TRAK1: variants seen among roughly 807,000 people sequenced by gnomAD.
TRAK1 encodes the protein trafficking kinesin protein 1, also known as trafficking kinesin-binding protein 1.
Under a neutral mutation model 92.1 loss-of-function variants are expected in TRAK1, and 33 were observed. That is an observed-to-expected ratio of 0.36 (90% CI 0.27 to 0.48). TRAK1 has a LOEUF of 0.48. Among genes scored for constraint, TRAK1 ranks in the 20% least tolerant of loss-of-function variants. The pLI is 0.99. For missense variants in TRAK1, 1,123 were observed against 1,257.9 expected, an observed-to-expected ratio of 0.89 and a Z score of 1.62; for synonymous variants, 521 against 517.3, an observed-to-expected ratio of 1.01 and a Z score of -0.10.
At chr3:42,213,835 C>G (rs1319245591) in intron 14 of TRAK1, among the ~76,000 whole-genome samples, 1 of 152,178 alleles carries the variant, frequency 6.6e-6, no homozygotes. Context: ...AGTTCCCATG[C>G]TGTTGGGAAC....
intron 1 of TRAK1, among the ~76,000 whole-genome samples, chr3:42,065,077 A>AAAAC (rs375454303): frequency 3.7e-4 from 56 of 151,812 alleles, no homozygotes; most frequent in African/African-American, 7.5e-4. Flanking sequence ...ACTCTGTCTC[A>AAAAC]AAACAAACAA....
At chr3:42,156,371 T>C (rs1700534145) in intron 2 of TRAK1, among the ~76,000 whole-genome samples, 1 of 152,162 alleles carries the variant, frequency 6.6e-6, no homozygotes, top group African/African-American at 2.4e-5. Context: ...GAAGAGTGTC[T>C]AAACCCAGAG....
At chr3:42,086,307 C>CTTTTTTTTT (rs1354576530), upstream of TRAK1, among the ~76,000 whole-genome samples, 1 of 134,818 alleles carries the variant, frequency 7.4e-6, no homozygotes, top group African/African-American at 3.6e-5. Flanking sequence ...TCTTCTTTTT[C>CTTTTTTTTT]TTTCTTTTTT....
At chr3:42,209,107 CT>C (rs1365418391) in intron 13 of TRAK1, among the ~76,000 whole-genome samples, 1 of 152,156 alleles carries the variant, frequency 6.6e-6, no homozygotes, top group Non-Finnish European at 1.5e-5. Context: ...TCTGTGTGGA[CT>C]TACTATGTTC....
chr3:42,063,894 G>A (rs981466351), intron 1 of TRAK1, among the ~76,000 whole-genome samples: 1 of 152,178 alleles, frequency 6.6e-6, no homozygotes, highest in African/African-American at 2.4e-5. Context: ...TGCGGTAGAA[G>A]TGACACTGTG....
chr3:42,143,907 T>C (rs1374848791), intron 2 of TRAK1, among the ~76,000 whole-genome samples: 1 of 152,212 alleles, frequency 6.6e-6, no homozygotes, highest in Non-Finnish European at 1.5e-5. Flanking sequence ...ATACTTTTGG[T>C]GTAGTTCACT....
intron 1 of TRAK1, among the ~76,000 whole-genome samples, chr3:42,016,160 C>T (rs1172380017): frequency 6.6e-6 from 1 of 152,130 alleles, no homozygotes; most frequent in South Asian, 2.1e-4. Context: ...TTAAGGTTTG[C>T]CATCTTAAGT....
At position 42,202,701 on chromosome 3, in the gene TRAK1, A is replaced by G. The variant is rs769729288; in HGVS notation, c.1693A>G (p.Ser565Gly). Residue 565 changes from serine to glycine, a missense_variant, in exon 13 of 16, where the codon AGC becomes GGC. Coordinates refer to ENST00000327628, the MANE Select transcript of TRAK1 (RefSeq NM_001042646.3). The surrounding 1 kb of genome is among the most constrained non-coding windows in gnomAD (Gnocchi z 6.1). ...EFTGFSGMSF[S>G]SRSYLPEKLQ... ...CACCGGCTTCTCTGGCATGTCCTTC[A>G]GCAGCCGCTCCTACCTGCCTGAGAA... The G allele has an allele frequency of 1.2e-6, 2 of 1,613,612 alleles. No individual in the cohort carries two copies. Among genetic ancestry groups the G allele is most frequent in the Non-Finnish European group, 8.5e-7 (1 of 1,179,918 alleles).
chr3:42,219,150 TGAG>T, intron 14 of TRAK1: 1 of 985,300 alleles, frequency 1.0e-6, no homozygotes, highest in Non-Finnish European at 1.2e-6. Flanking sequence ...GGTTCTGACC[TGAG>T]GAGGGAAACC....
rs1370888422 is a variant in TRAK1, at chr3:42,200,964, G to A, written c.1337G>A (p.Arg446Gln). Residue 446 changes from arginine to glutamine, a missense_variant, in exon 12 of 16, where the codon CGG becomes CAG. Coordinates refer to ENST00000327628, the MANE Select transcript of TRAK1 (RefSeq NM_001042646.3). Reference protein sequence around the residue: ...SLLSSCVSTPRSSFYGSDIGN... With the variant: ...SLLSSCVSTPQSSFYGSDIGN... ...CTGTCCAGCTGCGTCAGCACCCCCC[G>A]GTCCAGCTTCTACGGCAGCGACATA... The A allele has an allele frequency of 5.6e-6, 9 of 1,613,978 alleles. No homozygotes were observed. Among genetic ancestry groups the A allele is most frequent in the Admixed American group, 3.3e-5 (2 of 60,002 alleles).
rs137947678 is a variant in TRAK1 at position 42,114,057 on chromosome 3, A to G, written c.92-11363A>G. Among the ~76,000 whole-genome samples, 13 of 152,228 alleles carry G rather than the reference A, an allele frequency of 8.5e-5. No individual in the cohort carries two copies. In the East Asian group the frequency reaches 2.5e-3, roughly 29 times the overall value. Reference sequence around the variant, plus strand: ...CTCTGTGGACTTACCTGTTCTGGACATTTCATATGAATGGAATCATTCAAT... The same window carrying G: ...CTCTGTGGACTTACCTGTTCTGGACGTTTCATATGAATGGAATCATTCAAT... On this transcript the variant is annotated intron_variant, in intron 1 of 15. Coordinates refer to ENST00000327628, the MANE Select transcript of TRAK1 (RefSeq NM_001042646.3).
At chr3:42,192,413 A>AAAATACT (rs1705916927) in intron 7 of TRAK1, among the ~76,000 whole-genome samples, 3 of 151,952 alleles carry the variant, frequency 2.0e-5, no homozygotes, top group African/African-American at 7.3e-5. Flanking sequence ...GCATTTCGTC[A>AAAATACT]AAGTACTAAG....
chr3:42,223,926 C>A lies in TRAK1; in HGVS notation c.*189C>A, dbSNP rs544253143. On this transcript the variant is annotated 3_prime_UTR_variant, in exon 16 of 16. Coordinates refer to ENST00000327628, the MANE Select transcript of TRAK1 (RefSeq NM_001042646.3). The surrounding 1 kb of genome is among the most constrained non-coding windows in gnomAD (Gnocchi z 6.1). ...AACTTTGTAAAATGTGTACATAGGA[C>A]TTGGAGACCTTGTGTCCGCCCTGCT... 4 of 688,574 alleles carry A rather than the reference C, an allele frequency of 5.8e-6. No individual in the cohort carries two copies. The African/African-American group carries it at 7.2e-5, about 12-fold the overall frequency. The allele number at this position is 688,574 out of a possible 1,614,324, so 42.7% of individuals were successfully genotyped here. A position where few individuals can be genotyped will look rare whatever the true frequency, so the allele number is the denominator to read the frequency against.
chr3:42,193,790 TCTTAGGAAGTG>T (rs761416826), intron 8 of TRAK1, 23 bp from the exon 9 acceptor site: 170 of 1,241,666 alleles, frequency 1.4e-4, no homozygotes, highest in Non-Finnish European at 1.9e-4. Context: ...TTACCAAGTA[TCTTAGGAAGTG>T]ATCTATCTTT....
chr3:42,154,604 A>C (rs1700334616), intron 2 of TRAK1, among the ~76,000 whole-genome samples: 1 of 150,964 alleles, frequency 6.6e-6, no homozygotes, highest in Non-Finnish European at 1.5e-5. Flanking sequence ...TCATTTTTTA[A>C]TTTTTTTGTA....
chr3:42,213,640 G>A (rs1190657771), intron 14 of TRAK1, among the ~76,000 whole-genome samples: 2 of 152,240 alleles, frequency 1.3e-5, no homozygotes, highest in African/African-American at 4.8e-5. Context: ...GCAAAGCTCA[G>A]CCAGCTTGTA....
At chr3:42,094,306 T>C (rs1355980275) in intron 1 of TRAK1, among the ~76,000 whole-genome samples, 2 of 152,228 alleles carry the variant, frequency 1.3e-5, no homozygotes, top group African/African-American at 4.8e-5. Flanking sequence ...CTGTTTTCAC[T>C]GAGCCCTGAT....
intron 4 of TRAK1, among the ~76,000 whole-genome samples, 193 bp from the exon 5 acceptor site, chr3:42,187,852 A>T (rs992444975): frequency 6.6e-6 from 1 of 152,244 alleles, no homozygotes; most frequent in Admixed American, 6.5e-5. Context: ...CCAAAAAGTA[A>T]TTGTGTTTCT....
At chr3:42,185,987 TTTTTTTTTTTTTTG>T (rs1171461608) in intron 4 of TRAK1, among the ~76,000 whole-genome samples, 2 of 82,286 alleles carry the variant, frequency 2.4e-5, no homozygotes, top group African/African-American at 4.1e-5. Context: ...TTTTTTTTTT[TTTTTTTTTTTTTTG>T]AGATAAGGTC....
Sources: allele counts gnomAD v4.1 joint callset (sites outside exome capture counted in the v4.1 genomes callset), GRCh38; gene constraint gnomAD v4.1.1; non-coding constraint Gnocchi (gnomAD v3.1); transcripts MANE v1.5; gene names NCBI Gene and HGNC (gene_info 2026-07-23, HGNC 2026-07-21).